Variants in PPFIBP2 observed in about 807,000 individuals in gnomAD.
PPFIBP2 encodes PPFIB scaffold protein 2.
PPFIBP2 carries 118 observed loss-of-function variants against 118.3 expected under a neutral mutation model. The ratio of observed to expected loss-of-function variants is 1.00; its 90% CI spans 0.86 to 1.16. The LOEUF (loss-of-function observed/expected upper bound fraction) is 1.16. PPFIBP2 is among the 50% of genes most tolerant of loss of function. The pLI, the probability that PPFIBP2 is intolerant of heterozygous loss-of-function variation, is 0.00. For missense variants in PPFIBP2, 1,195 were observed against 1,073.1 expected (o/e 1.11, Z -1.59); for synonymous variants, 414 against 397.4 (o/e 1.04, Z -0.50).
chr11:7,652,581 C>T (rs1854201464), intron 23 of PPFIBP2, among the ~76,000 whole-genome samples: 1 of 152,156 alleles, frequency 6.6e-6, no homozygotes, highest in African/African-American at 2.4e-5. Flanking sequence ...TGCTGGATGA[C>T]GCTAGGGCAG....
At chr11:7,594,138 T>G (rs1313855485) in intron 4 of PPFIBP2, among the ~76,000 whole-genome samples, 1 of 151,662 alleles carries the variant, frequency 6.6e-6, no homozygotes, top group South Asian at 2.1e-4. Flanking sequence ...GTGTTTGTTT[T>G]TTCTCTTTTT....
rs115482829 is a variant in PPFIBP2, at chr11:7,651,913, C to A, written c.2436+69C>A. 8.0e-4 allele frequency: 1,127 copies of A among 1,403,598 alleles called. 12 individuals are homozygous for A. In the African/African-American group the frequency reaches 0.014, roughly 17 times the overall value. The allele number at this position is 1,403,598 out of a possible 1,614,324, so 86.9% of individuals were successfully genotyped here. On this transcript the variant is annotated intron_variant, in intron 23 of 23. Transcript: ENST00000299492. ...GGCCCTCACGCAGCACAGCACCTGG[C>A]GCGATGCCCACAGCCAGAGCAGCAT...
the PPFIBP2 span, among the ~76,000 whole-genome samples, chr11:7,663,638 G>A: frequency 6.6e-6 from 1 of 152,248 alleles, no homozygotes; most frequent in South Asian, 2.1e-4. Context: ...GGAGCCTACA[G>A]AGGCAGGCAG....
At chr11:7,595,900 T>G (rs1860196258) in intron 4 of PPFIBP2, among the ~76,000 whole-genome samples, 2 of 151,920 alleles carry the variant, frequency 1.3e-5, no homozygotes. Context: ...CCTTTTTTTT[T>G]TTTTTTAACT....
At chr11:7,539,966 T>C (rs1051253542) in intron 1 of PPFIBP2, among the ~76,000 whole-genome samples, 1 of 152,128 alleles carries the variant, frequency 6.6e-6, no homozygotes, top group South Asian at 2.1e-4. Flanking sequence ...TGTGTCTCTT[T>C]TCACCTGAAT....
chr11:7,576,397 C>G (rs1242699287), intron 3 of PPFIBP2: 2 of 152,402 alleles, frequency 1.3e-5, no homozygotes, highest in Non-Finnish European at 2.9e-5. Context: ...TAGTGGGGAG[C>G]TCTCAAAGGA....
intron 14 of PPFIBP2, 45 bp from the exon 15 acceptor site, chr11:7,639,687 T>C (rs1423843898): frequency 6.2e-7 from 1 of 1,612,024 alleles, no homozygotes; most frequent in Non-Finnish European, 8.5e-7. Flanking sequence ...TAACTGAGGC[T>C]GACAGTTAAG....
intron 5 of PPFIBP2, among the ~76,000 whole-genome samples, chr11:7,600,208 C>G (rs1463843850): frequency 2.6e-5 from 4 of 152,154 alleles, no homozygotes; most frequent in Non-Finnish European, 4.4e-5. Flanking sequence ...AAATTGAGTT[C>G]AAGCCATAGG....
At chr11:7,629,417 C>G in intron 9 of PPFIBP2, 42 bp from the exon 10 acceptor site, 1 of 1,574,052 alleles carries the variant, frequency 6.4e-7, no homozygotes, top group South Asian at 1.1e-5. Context: ...ATCTGAGATG[C>G]CAGCATAGCA....
intron 5 of PPFIBP2, among the ~76,000 whole-genome samples, chr11:7,606,936 A>T (rs111962737): frequency 0.022 from 1,608 of 73,854 alleles, 55 homozygotes; most frequent in African/African-American, 0.074. Context: ...TTTGAGACAG[A>T]GTCTCACTGT....
intron 23 of PPFIBP2, among the ~76,000 whole-genome samples, chr11:7,652,744 T>C (rs899248612): frequency 1.4e-4 from 22 of 152,210 alleles, no homozygotes; most frequent in African/African-American, 5.3e-4. Context: ...TCCCAGTTCA[T>C]CTATGGAAAT....
At chr11:7,597,070 CA>C (rs1396508706) in intron 4 of PPFIBP2, 2 of 1,064,790 alleles carry the variant, frequency 1.9e-6, no homozygotes, top group African/African-American at 3.2e-5. Context: ...TTACAGCCCA[CA>C]TTCCTTAATT....
rs1250241465 is a variant in PPFIBP2, at chr11:7,639,716, T to G, written c.1237-16T>G. 1.2e-6 allele frequency: 2 copies of G among 1,613,906 alleles called. No individual in the cohort carries two copies. The highest frequency in any genetic ancestry group is 4.5e-5 in the East Asian group (2 of 44,872). On this transcript the variant is annotated splice_polypyrimidine_tract_variant and intron_variant, in intron 14 of 23. Coordinates refer to ENST00000299492, the MANE Select transcript of PPFIBP2 (RefSeq NM_003621.5). ...AGTTAAGTCGGTATCTCTCTCTTTCTCTCACCTTCCAATAGGACAGCCCTT... is the reference window on the plus strand; with the variant it reads ...AGTTAAGTCGGTATCTCTCTCTTTCGCTCACCTTCCAATAGGACAGCCCTT...
intron 4 of PPFIBP2, 88 bp downstream of exon 4, chr11:7,593,312 C>A (rs918429420): frequency 6.7e-7 from 1 of 1,500,648 alleles, no homozygotes; most frequent in South Asian, 1.3e-5. Flanking sequence ...AAGAGATTTT[C>A]TCTGTTGGAA....
rs975932643 is a variant in PPFIBP2, at chr11:7,633,311, C to T, written c.1136+377C>T. Among the ~76,000 whole-genome samples the T allele has an allele frequency of 7.2e-5, 11 of 152,266 alleles. No individual in the cohort carries two copies. The South Asian group carries it at 8.3e-4, about 11-fold the overall frequency. On this transcript the variant is annotated intron_variant, in intron 12 of 23. Coordinates refer to ENST00000299492, the MANE Select transcript of PPFIBP2 (RefSeq NM_003621.5). ...AGAGTGAATTTAGCCCTTTGACAGT[C>T]GAAGCTTTCTAGGGAAGGCCATGTC...
chr11:7,637,503 C>T (rs11601398), intron 14 of PPFIBP2, among the ~76,000 whole-genome samples: 4,796 of 152,334 alleles, frequency 0.031, 108 homozygotes, highest in Middle Eastern at 0.092. Flanking sequence ...AGAGAAACAG[C>T]TCTGTCTGAG....
At chr11:7,547,216 G>C (rs917435213) in intron 1 of PPFIBP2, among the ~76,000 whole-genome samples, 2 of 152,192 alleles carry the variant, frequency 1.3e-5, no homozygotes, top group Non-Finnish European at 2.9e-5. Flanking sequence ...TCTGAGACCT[G>C]AAGGATGAGA....
At position 7,653,669 on chromosome 11, in the gene PPFIBP2, T is replaced by C. The variant is rs1426673574; in HGVS notation, c.*451T>C. The C allele has an allele frequency of 7.8e-7, 1 of 1,290,278 alleles. No homozygotes were observed. Among genetic ancestry groups the C allele is most frequent in the East Asian group, 5.5e-5 (1 of 18,076 alleles). The allele number at this position is 1,290,278 out of a possible 1,614,324, so 79.9% of individuals were successfully genotyped here. A position where few individuals can be genotyped will look rare whatever the true frequency, so the allele number is the denominator to read the frequency against. On this transcript the variant is annotated 3_prime_UTR_variant, in exon 24 of 24. Transcript: ENST00000299492. ...ATCAAAGGGATGAGCAACAGGGACT[T>C]CTGCCACAGTGACAATGGAATTGTG...
chr11:7,556,386 T>C (rs992156904), intron 2 of PPFIBP2, among the ~76,000 whole-genome samples: 5 of 152,020 alleles, frequency 3.3e-5, no homozygotes, highest in Non-Finnish European at 7.4e-5. Flanking sequence ...ACCCAGGAGG[T>C]GGAGCTTGCA....
Sources: gnomAD v4.1 joint callset for allele counts (sites outside exome capture counted in the v4.1 genomes callset) on GRCh38, gnomAD v4.1.1 for gene constraint, MANE v1.5 for transcripts, NCBI Gene and HGNC (gene_info 2026-07-23, HGNC 2026-07-21) for gene names.